CEP126: variants seen among roughly 807,000 people sequenced by gnomAD.
CEP126 encodes centrosomal protein 126, also known as centrosomal protein of 126 kDa.
In CEP126, 74 loss-of-function variants were observed where a neutral mutation model predicts 107.8. The ratio of observed to expected loss-of-function variants is 0.69; its 90% CI spans 0.57 to 0.83. CEP126 has a LOEUF of 0.83. Among genes scored for constraint, CEP126 ranks in the 40% least tolerant of loss-of-function variants. The pLI is 0.00. For missense variants in CEP126, 1,237 were observed against 1,281.9 expected (o/e 0.96, Z 0.53); for synonymous variants, 449 against 446.0 (o/e 1.01, Z -0.08).
At chr11:101,956,270 G>A (rs1327769759) in intron 4 of CEP126, 1 of 456,206 alleles carries the variant, frequency 2.2e-6, no homozygotes, top group South Asian at 1.5e-5. Flanking sequence ...AGCTCCACTG[G>A]TTGTTTCCCC....
intron 2 of CEP126, among the ~76,000 whole-genome samples, chr11:101,929,702 GACC>G (rs1481538343): frequency 1.3e-5 from 2 of 152,186 alleles, no homozygotes; most frequent in South Asian, 4.1e-4. Flanking sequence ...ATGAGGAGAA[GACC>G]ACTTTACCAC....
At chr11:101,968,234 A>G (rs1941081325) in intron 6 of CEP126, among the ~76,000 whole-genome samples, 1 of 152,046 alleles carries the variant, frequency 6.6e-6, no homozygotes, top group African/African-American at 2.4e-5. Context: ...AATAGAAGAA[A>G]CCATTTATGG....
At chr11:101,992,660 G>A in intron 9 of CEP126, 118 bp from the exon 10 acceptor site, 4 of 595,430 alleles carry the variant, frequency 6.7e-6, no homozygotes, top group Non-Finnish European at 1.1e-5. Flanking sequence ...GGAAAAAAGT[G>A]TCTTACTCAA....
chr11:101,931,053 C>T (rs1422346954), intron 2 of CEP126, among the ~76,000 whole-genome samples: 1 of 152,030 alleles, frequency 6.6e-6, no homozygotes, highest in Non-Finnish European at 1.5e-5. Context: ...ATTTCTAATA[C>T]ATTTTAACCT....
rs151036488 is a variant in CEP126, at chr11:101,968,364, T to G, written c.2845+4484T>G. On this transcript the variant is annotated intron_variant, in intron 6 of 10. Transcript: ENST00000263468. ...ATCTTCATGCTTGTTTCCTTTGAGATAAAACTTAAATATATAAGTTAAGTG... is the reference window on the plus strand; with the variant it reads ...ATCTTCATGCTTGTTTCCTTTGAGAGAAAACTTAAATATATAAGTTAAGTG... Among the ~76,000 whole-genome samples, 1,063 of 152,292 alleles carry G rather than the reference T, an allele frequency of 7.0e-3. 6 individuals are homozygous for G. The highest frequency in any genetic ancestry group is 0.013 in the Non-Finnish European group (865 of 68,016).
chr11:101,921,334 A>G (rs1411634559), intron 1 of CEP126, among the ~76,000 whole-genome samples: 2 of 152,182 alleles, frequency 1.3e-5, no homozygotes, highest in Admixed American at 6.5e-5. Flanking sequence ...TCTACTTTCT[A>G]TTAGTAAAAT....
intron 6 of CEP126, among the ~76,000 whole-genome samples, chr11:101,966,554 CT>C (rs1293803602): frequency 6.6e-6 from 1 of 152,190 alleles, no homozygotes; most frequent in Admixed American, 6.5e-5. Context: ...TATTTCCCCC[CT>C]AAAAGATGAC....
intron 6 of CEP126, among the ~76,000 whole-genome samples, chr11:101,975,875 A>G (rs1203169737): frequency 6.6e-6 from 1 of 152,190 alleles, no homozygotes; most frequent in Non-Finnish European, 1.5e-5. Flanking sequence ...TCTGCTTAGA[A>G]TAATGGCCTC....
At chr11:101,965,047 A>G (rs1188428768) in intron 6 of CEP126, among the ~76,000 whole-genome samples, 1 of 152,152 alleles carries the variant, frequency 6.6e-6, no homozygotes, top group Admixed American at 6.5e-5. Context: ...GGTTTTTGTG[A>G]GAGCAAAAAA....
intron 2 of CEP126, among the ~76,000 whole-genome samples, chr11:101,929,743 A>G (rs1486368655): frequency 6.6e-6 from 1 of 152,130 alleles, no homozygotes; most frequent in African/African-American, 2.4e-5. Flanking sequence ...CAGGCGTTCT[A>G]CTCAGCTTCT....
chr11:101,981,842 A>G lies in CEP126; in HGVS notation c.2959-47A>G, dbSNP rs745596716. On this transcript the variant is annotated intron_variant, in intron 7 of 10. Transcript: ENST00000263468. ...TTAAAAGTTCATGTACATATTATGA[A>G]TTTTAAATATGGAAATATGTTTTAA... The G allele has an allele frequency of 7.6e-5, 88 of 1,163,966 alleles. No homozygotes were observed. In the African/African-American group the frequency reaches 1.2e-3, roughly 16 times the overall value. The allele number at this position is 1,163,966 out of a possible 1,614,324, so 72.1% of individuals were successfully genotyped here. A position where few individuals can be genotyped will look rare whatever the true frequency, so the allele number is the denominator to read the frequency against.
At chr11:101,954,385 G>A (rs992496318) in intron 4 of CEP126, among the ~76,000 whole-genome samples, 7 of 152,122 alleles carry the variant, frequency 4.6e-5, no homozygotes, top group African/African-American at 1.4e-4. Context: ...CGTTTTTCTT[G>A]TTCAACAGTG....
At chr11:101,917,010 C>T (rs1322308873) in intron 1 of CEP126, among the ~76,000 whole-genome samples, 1 of 146,654 alleles carries the variant, frequency 6.8e-6, no homozygotes, top group Non-Finnish European at 1.5e-5. Flanking sequence ...GACCAATAGA[C>T]TTTGATAAAA....
intron 2 of CEP126, among the ~76,000 whole-genome samples, chr11:101,935,148 A>T (rs1009250320): frequency 6.6e-6 from 1 of 151,948 alleles, no homozygotes; most frequent in African/African-American, 2.4e-5. Flanking sequence ...TTTTAATGAA[A>T]TATCTATTCA....
intron 1 of CEP126, among the ~76,000 whole-genome samples, chr11:101,917,755 T>G (rs1042897320): frequency 6.6e-6 from 1 of 152,150 alleles, no homozygotes; most frequent in African/African-American, 2.4e-5. Context: ...CTTAACTATT[T>G]GAACTTTCTC....
intron 2 of CEP126, among the ~76,000 whole-genome samples, chr11:101,926,563 T>C (rs1449250404): frequency 6.6e-6 from 1 of 152,156 alleles, no homozygotes; most frequent in Non-Finnish European, 1.5e-5. Context: ...AGAGGATGAA[T>C]TGAAAACAGG....
rs745326895 is a variant in CEP126 at position 101,963,136 on chromosome 11, T to C, written c.2101T>C (p.Leu701=). Residue 701 remains leucine, a synonymous_variant, in exon 6 of 11, where the codon TTA becomes CTA. Coordinates refer to ENST00000263468, the MANE Select transcript of CEP126 (RefSeq NM_020802.4). ...EDSISENVTT[L]GGSGADHMPL... ...TTCTATCTCTGAAAATGTTACGACTTTAGGAGGATCTGGAGCAGACCATAT... is the reference window on the plus strand; with the variant it reads ...TTCTATCTCTGAAAATGTTACGACTCTAGGAGGATCTGGAGCAGACCATAT... 1.2e-6 allele frequency: 2 copies of C among 1,614,066 alleles called. No homozygotes were observed. Among genetic ancestry groups the C allele is most frequent in the Admixed American group, 3.3e-5 (2 of 60,010 alleles).
chr11:101,961,693 G>A (rs1367742808), intron 5 of CEP126, 48 bp from the exon 6 acceptor site: 2 of 1,052,974 alleles, frequency 1.9e-6, no homozygotes, highest in East Asian at 2.4e-5. Context: ...GTTAATCTTG[G>A]CATTTAAAAG....
rs574755774 is a variant in CEP126, at chr11:101,995,479, G to A, written c.3310-2120G>A. On this transcript the variant is annotated intron_variant, in intron 10 of 10. Transcript: ENST00000263468. ...TTTAAGCTCTCTGAAGAATTCAAAT[G>A]GGAAGCGAAGGATGAGAAACACTGG... 9.2e-5 allele frequency among the ~76,000 whole-genome samples: 14 copies of A among 152,224 alleles called. No homozygotes were observed. The East Asian group carries it at 1.7e-3, about 19-fold the overall frequency.
Sources: gnomAD v4.1 joint callset for allele counts (sites outside exome capture counted in the v4.1 genomes callset) on GRCh38, gnomAD v4.1.1 for gene constraint, MANE v1.5 for transcripts, NCBI Gene and HGNC (gene_info 2026-07-23, HGNC 2026-07-21) for gene names.